MYH8: variants seen among roughly 807,000 people sequenced by gnomAD.
MYH8 encodes myosin-8.
A neutral mutation model predicts 233.2 loss-of-function variants in MYH8; 168 were observed. The observed-to-expected ratio is 0.72, with a 90% CI of 0.64 to 0.82. MYH8 has a LOEUF of 0.82. Ranked by LOEUF, MYH8 falls within the 40% of genes least tolerant of loss-of-function variation. The pLI is 0.00. For missense variants in MYH8, 1,995 were observed against 2,327.8 expected, an observed-to-expected ratio of 0.86 and a Z score of 2.94; for synonymous variants, 785 against 850.6, an observed-to-expected ratio of 0.92 and a Z score of 1.34.
intron 22 of MYH8, among the ~76,000 whole-genome samples, chr17:10,402,711 AT>A (rs1254675220): frequency 6.6e-6 from 1 of 152,192 alleles, no homozygotes; most frequent in Non-Finnish European, 1.5e-5. Flanking sequence ...TCCTAAGGAC[AT>A]GAACATTCTC....
At position 10,401,420 on chromosome 17, in the gene MYH8, A is replaced by G; in HGVS notation, c.2963T>C (p.Leu988Pro). ...GGACAGTTTTGCAATGGTTTCATCC[A>G]GGCCTGCCATCTCTTCTGTAAGATT... is the stretch of plus-strand genomic sequence containing the variant. ...VKNLTEEMAG[L>P]DETIAKLSKE... The change falls in exon 24 of 40, where the codon CTG becomes CCG. Residue 988 changes from leucine (L) to proline (P), a missense_variant. This residue lies in a region of MYH8 where 1,498 missense variants were observed against 1,680.9 expected (regional missense o/e 0.89). Coordinates refer to ENST00000403437, the MANE Select transcript of MYH8 (RefSeq NM_002472.3). The G allele has an allele frequency of 1.9e-6, 3 of 1,614,044 alleles. No homozygotes were observed. Among genetic ancestry groups the G allele is most frequent in the African/African-American group, 2.7e-5 (2 of 74,986 alleles).
In MYH8 at chr17:10,391,864, G is replaced by A; in HGVS notation, c.5664+18C>T. Reference sequence around the variant, plus strand: ...AAAAGAAATTTCCTTCTTTCCTCAAGGGCTTAAAGATACTTACAGCCTCCT... The same window carrying A: ...AAAAGAAATTTCCTTCTTTCCTCAAAGGCTTAAAGATACTTACAGCCTCCT... On this transcript the variant is annotated intron_variant, in intron 39 of 39. Transcript: ENST00000403437. 13 of 1,598,192 alleles carry A rather than the reference G, an allele frequency of 8.1e-6. No individual in the cohort carries two copies. The highest frequency in any genetic ancestry group is 1.1e-5 in the South Asian group (1 of 90,710).
At position 10,421,918 on chromosome 17, in the gene MYH8, T is replaced by G. The variant is rs1347363174; in HGVS notation, c.-75+12A>C. ...CTGGGGTTTTTCGAGTTCCAAGGCC[T>G]TCATCACTTACCTCTGGGTTCTTGG... On this transcript the variant is annotated intron_variant, in intron 1 of 39. Coordinates refer to ENST00000403437, the MANE Select transcript of MYH8 (RefSeq NM_002472.3). The G allele has an allele frequency of 6.6e-6, 1 of 151,996 alleles. No homozygotes were observed. Among genetic ancestry groups the G allele is most frequent in the Non-Finnish European group, 1.5e-5 (1 of 68,022 alleles). 9.4% of individuals were successfully genotyped at this position (151,996 alleles called of 1,614,324 possible).
At chr17:10,412,080 C>T (rs2072248400) in intron 14 of MYH8, among the ~76,000 whole-genome samples, 1 of 152,176 alleles carries the variant, frequency 6.6e-6, no homozygotes, top group South Asian at 2.1e-4. Context: ...GATTTCCCTG[C>T]ATCTTAGTTT....
Position 10,417,722 on chromosome 17 carries a change from G to A in MYH8, c.511+923C>T, listed in dbSNP as rs1439601638. Among the ~76,000 whole-genome samples, 1 of 152,198 alleles carries A rather than the reference G, an allele frequency of 6.6e-6. No homozygotes were observed. The highest frequency in any genetic ancestry group is 1.5e-5 in the Non-Finnish European group (1 of 68,024). On this transcript the variant is annotated intron_variant, in intron 5 of 39. Coordinates refer to ENST00000403437, the MANE Select transcript of MYH8 (RefSeq NM_002472.3). This position sits in a 1 kb window ranked among gnomAD's most constrained non-coding sequence, Gnocchi z 4.1. ...CCAGCGTTTGGATAATTTCTGGGAG[G>A]TAGTTAGCTTCTGTTGACAATCAAA...
intron 37 of MYH8, 54 bp downstream of exon 37, chr17:10,392,777 G>A: frequency 6.2e-7 from 1 of 1,614,158 alleles, no homozygotes; most frequent in Admixed American, 1.7e-5. Flanking sequence ...AGAGAGAAGG[G>A]TAGAGAGAGT....
intron 12 of MYH8, among the ~76,000 whole-genome samples, chr17:10,413,230 C>G (rs2072260306): frequency 1.3e-5 from 2 of 152,110 alleles, no homozygotes. Flanking sequence ...CTGTCGGTGA[C>G]TATAACGTAA....
intron 15 of MYH8, among the ~76,000 whole-genome samples, 189 bp from the exon 16 acceptor site, chr17:10,409,777 C>G (rs573232440): frequency 6.6e-6 from 1 of 152,338 alleles, no homozygotes; most frequent in South Asian, 2.1e-4. Context: ...CACATTCAAT[C>G]TGTAGCATTA....
At chr17:10,410,527 A>G (rs1295759749) in intron 15 of MYH8, among the ~76,000 whole-genome samples, 2 of 152,220 alleles carry the variant, frequency 1.3e-5, no homozygotes, top group Non-Finnish European at 2.9e-5. Context: ...TCTCAAATAG[A>G]GTTTTCAGTG....
intron 39 of MYH8, among the ~76,000 whole-genome samples, chr17:10,391,666 C>A (rs778223836): frequency 6.6e-6 from 1 of 152,026 alleles, no homozygotes; most frequent in East Asian, 1.9e-4. Context: ...GGTGACACAG[C>A]GAGGCTCTGT....
rs551933410 is a variant in MYH8, at chr17:10,402,983, G to C, written c.2689-1198C>G. 1.2e-4 allele frequency among the ~76,000 whole-genome samples: 19 copies of C among 152,222 alleles called. No homozygotes were observed. The South Asian group carries it at 3.9e-3, about 32-fold the overall frequency. ...CTAGTTAAGGAAAGATTGATGAACTGTTCTTAGCCCTTTCTGCTTTTGTGT... is the reference window on the plus strand; with the variant it reads ...CTAGTTAAGGAAAGATTGATGAACTCTTCTTAGCCCTTTCTGCTTTTGTGT... On this transcript the variant is annotated intron_variant, in intron 22 of 39. Transcript: ENST00000403437.
intron 22 of MYH8, among the ~76,000 whole-genome samples, chr17:10,402,981 C>T (rs934540967): frequency 2.0e-5 from 3 of 152,154 alleles, no homozygotes; most frequent in Non-Finnish European, 2.9e-5. Flanking sequence ...GATTGATGAA[C>T]TGTTCTTAGC....
In MYH8 at chr17:10,401,127, A is replaced by T. The variant is rs1188806237; in HGVS notation, c.3173T>A (p.Leu1058Gln). The T allele has an allele frequency of 3.7e-6, 6 of 1,614,176 alleles. No homozygotes were observed. Among genetic ancestry groups the T allele is most frequent in the Non-Finnish European group, 4.2e-6 (5 of 1,180,026 alleles). Residue 1058 changes from leucine (L) to glutamine (Q), a missense_variant, in exon 25 of 40, where the codon CTG (leucine) becomes CAG (glutamine). Transcript: ENST00000403437. Reference sequence around the variant, plus strand: ...TTGGGCCAATTTGAGGTCACCCTCCAGTTTCCGCTTTGCTCTTTCTAGATC... The same window carrying T: ...TTGGGCCAATTTGAGGTCACCCTCCTGTTTCCGCTTTGCTCTTTCTAGATC... ...RMDLERAKRKLEGDLKLAQES... is the reference protein window; with the variant it reads ...RMDLERAKRKQEGDLKLAQES...
At chr17:10,407,554 A>T (rs1470133740) in intron 17 of MYH8, among the ~76,000 whole-genome samples, 2 of 152,074 alleles carry the variant, frequency 1.3e-5, no homozygotes, top group East Asian at 3.9e-4. Context: ...TAAAATTGTG[A>T]AACTGGCCAG....
chr17:10,401,549 C>T lies in MYH8; in HGVS notation c.2925G>A (p.Glu975=), dbSNP rs1172228783. ...AKVEKEKHAT[E]NKVKNLTEEM... ...TGTAAAATATGACTGATACCTTGTT[C>T]TCCGTGGCATGTTTCTCCTTCTCAA... is the stretch of plus-strand genomic sequence containing the variant. Residue 975 remains glutamate (E), a synonymous_variant, in exon 23 of 40, where the codon GAG becomes GAA. Coordinates refer to ENST00000403437, the MANE Select transcript of MYH8 (RefSeq NM_002472.3). 3.1e-6 allele frequency: 5 copies of T among 1,614,124 alleles called. No homozygotes were observed. The highest frequency in any genetic ancestry group is 3.4e-6 in the Non-Finnish European group (4 of 1,180,032).
chr17:10,398,852 A>T lies in MYH8; in HGVS notation c.3897T>A (p.Ala1299=). The T allele has an allele frequency of 6.2e-7, 1 of 1,613,726 alleles. No homozygotes were observed. The highest frequency in any genetic ancestry group is 8.5e-7 in the Non-Finnish European group (1 of 1,180,016). The part of the protein sequence containing the change: ...EYSRQLDEKD[A]LVSQLSRSKQ... ...TGCTCCTTGAAAGCTGAGAGACTAA[A>T]GCATCTTTCTCATCTAATTGTCGAG... Residue 1299 remains alanine (A), a synonymous_variant, in exon 29 of 40, where the codon GCT becomes GCA. Coordinates refer to ENST00000403437, the MANE Select transcript of MYH8 (RefSeq NM_002472.3).
intron 5 of MYH8, among the ~76,000 whole-genome samples, chr17:10,416,648 C>T (rs1017166749): frequency 1.3e-5 from 2 of 152,168 alleles, no homozygotes; most frequent in Non-Finnish European, 1.5e-5. Flanking sequence ...AACATCCTAA[C>T]GAGTGTAAGG....
Position 10,395,301 on chromosome 17 carries a change from C to G in MYH8, c.4794G>C (p.Glu1598Asp). 1 of 1,614,208 alleles carries G rather than the reference C, an allele frequency of 6.2e-7. No homozygotes were observed. The highest frequency in any genetic ancestry group is 8.5e-7 in the Non-Finnish European group (1 of 1,180,042). ...CTGCATCCAGCGTGCTCTGCATTGT[C>G]TCCACGACTCTAGTGTGGTTTCTCT... ...QLKRNHTRVV[E>D]TMQSTLDAEI... Residue 1598 changes from glutamate (E) to aspartate (D), a missense_variant, in exon 34 of 40, where the codon GAG becomes GAC. Glu to Asp is a conservative substitution (Grantham distance 45). Transcript: ENST00000403437.
At chr17:10,399,693 G>A (rs2072117229) in intron 27 of MYH8, 24 bp from the exon 28 acceptor site, 2 of 1,613,630 alleles carry the variant, frequency 1.2e-6, no homozygotes, top group Non-Finnish European at 1.7e-6. Flanking sequence ...AGCAATGAAA[G>A]ATGAGACATT....
Sources: allele counts gnomAD v4.1 joint callset (sites outside exome capture counted in the v4.1 genomes callset), GRCh38; gene constraint gnomAD v4.1.1; regional missense constraint gnomAD v4.1.1; non-coding constraint Gnocchi (gnomAD v3.1); transcripts MANE v1.5; gene names NCBI Gene and HGNC (gene_info 2026-07-23, HGNC 2026-07-21).